Variants in SCML4 observed in about 807,000 individuals in gnomAD.
SCML4 encodes the protein sex comb on midleg-like protein 4.
A neutral mutation model predicts 41.1 loss-of-function variants in SCML4; 34 were observed. The observed-to-expected ratio is 0.83, with a 90% CI of 0.63 to 1.10. SCML4 has a LOEUF of 1.10. Ranked by LOEUF, SCML4 falls within the 50% of genes least tolerant of loss-of-function variation. SCML4 has a pLI of 0.00. For synonymous variants in SCML4, 214 were observed against 220.9 expected, an observed-to-expected ratio of 0.97 and a Z score of 0.28; for missense variants, 522 against 534.1, an observed-to-expected ratio of 0.98 and a Z score of 0.22.
chr6:107,813,413 T>TTTAA (rs1784340911), intron 1 of SCML4, among the ~76,000 whole-genome samples: 3 of 21,478 alleles, frequency 1.4e-4, no homozygotes, highest in African/African-American at 3.4e-4. Flanking sequence ...TATATATATA[T>TTTAA]ATATATATAT....
At chr6:107,752,634 GA>G (rs1778787646) in intron 2 of SCML4, among the ~76,000 whole-genome samples, 1 of 152,172 alleles carries the variant, frequency 6.6e-6, no homozygotes, top group African/African-American at 2.4e-5. Context: ...TCAAGGAGGA[GA>G]TAGTGGTTAA....
At chr6:107,763,028 G>A (rs1000412303) in intron 2 of SCML4, among the ~76,000 whole-genome samples, 4 of 151,774 alleles carry the variant, frequency 2.6e-5, no homozygotes, top group South Asian at 2.1e-4. Flanking sequence ...GACTACAGGT[G>A]TGCACCATCA....
chr6:107,816,447 A>G (rs1784556648), intron 1 of SCML4, among the ~76,000 whole-genome samples: 1 of 152,156 alleles, frequency 6.6e-6, no homozygotes, highest in African/African-American at 2.4e-5. Flanking sequence ...CCTAGGTCAC[A>G]CTGGTGGCCA....
In SCML4 at chr6:107,734,135, C is replaced by CT. The variant is rs138897103; in HGVS notation, c.682+10813dup. 9.8e-3 allele frequency among the ~76,000 whole-genome samples: 1,491 copies of CT among 152,236 alleles called. 25 individuals carry two copies. Among genetic ancestry groups the CT allele is most frequent in the African/African-American group, 0.034 (1,412 of 41,526 alleles). Reference sequence around the variant, plus strand: ...TAGGAAGAAGGAGTCCATTTGGCCTCTTTTTTTCAGGCTTTTTATCTCCTC... The same window carrying CT: ...TAGGAAGAAGGAGTCCATTTGGCCTCTTTTTTTTCAGGCTTTTTATCTCCTC... On this transcript the variant is annotated intron_variant, in intron 5 of 7. Coordinates refer to ENST00000369020, the MANE Select transcript of SCML4 (RefSeq NM_198081.5).
At chr6:107,803,455 G>A (rs555906554) in intron 1 of SCML4, among the ~76,000 whole-genome samples, 1,620 of 148,392 alleles carry the variant, frequency 0.011, 21 homozygotes, top group African/African-American at 0.036. Context: ...CCGGCCAGCC[G>A]CCCGGTCCGG....
chr6:107,769,695 A>G (rs897115407), intron 2 of SCML4, among the ~76,000 whole-genome samples: 1 of 152,240 alleles, frequency 6.6e-6, no homozygotes, highest in East Asian at 1.9e-4. Context: ...GTTATATCTT[A>G]TTTTATAAGA....
chr6:107,717,143 C>CAAAAAAAA (rs546258538), intron 6 of SCML4, among the ~76,000 whole-genome samples: 16 of 63,536 alleles, frequency 2.5e-4, no homozygotes, highest in African/African-American at 7.1e-4. Context: ...ACTAAAAATA[C>CAAAAAAAA]AAAAAAAAAA....
rs555798944 is a variant in SCML4, at chr6:107,746,732, G to T, written c.444C>A (p.Val148=). Residue 148 remains valine, a synonymous_variant, in exon 4 of 8, where the codon GTC becomes GTA. Transcript: ENST00000369020. ...CATAGCCCTGCTTGACCAGGGAGAA[G>T]ACCAGCTTCTGCTGGTGGGCGCAGT... is the stretch of plus-strand genomic sequence containing the variant. The part of the protein sequence containing the change: ...CIDCAHQQKL[V]FSLVKQGYGG... 8.6e-4 allele frequency: 1,385 copies of T among 1,614,166 alleles called. 29 individuals carry two copies. The South Asian group carries it at 0.014, about 17-fold the overall frequency.
chr6:107,831,501 T>C, the SCML4 span, among the ~76,000 whole-genome samples: 1 of 151,268 alleles, frequency 6.6e-6, no homozygotes, highest in Non-Finnish European at 1.5e-5. Flanking sequence ...AACTTCAGTG[T>C]GGACCATATC....
At chr6:107,749,416 C>T (rs566569963) in intron 3 of SCML4, among the ~76,000 whole-genome samples, 88 of 152,214 alleles carry the variant, frequency 5.8e-4, no homozygotes, top group African/African-American at 2.1e-3. Flanking sequence ...ACCCTGTGCC[C>T]CGCTGTCATC....
intron 2 of SCML4, among the ~76,000 whole-genome samples, chr6:107,763,287 C>G (rs980121296): frequency 2.6e-5 from 4 of 152,006 alleles, no homozygotes; most frequent in African/African-American, 9.7e-5. Flanking sequence ...TACTAACACC[C>G]AATGTGAAGG....
intron 1 of SCML4, among the ~76,000 whole-genome samples, chr6:107,774,727 A>T (rs565233531): frequency 6.6e-6 from 1 of 152,278 alleles, no homozygotes; most frequent in Admixed American, 6.5e-5. Flanking sequence ...CAACAAGAGA[A>T]AACCCATGAT....
intron 1 of SCML4, among the ~76,000 whole-genome samples, chr6:107,796,905 C>A (rs942689973): frequency 6.6e-6 from 1 of 152,094 alleles, no homozygotes; most frequent in Non-Finnish European, 1.5e-5. Context: ...GATATAGAGT[C>A]ATCCCAACAT....
chr6:107,750,532 C>A (rs1679239141), intron 2 of SCML4, among the ~76,000 whole-genome samples: 2 of 152,188 alleles, frequency 1.3e-5, no homozygotes, highest in Non-Finnish European at 2.9e-5. Context: ...AATCTTAGCT[C>A]TCTACCCAAA....
intron 1 of SCML4, among the ~76,000 whole-genome samples, chr6:107,823,513 C>T (rs950858274): frequency 6.6e-5 from 10 of 151,980 alleles, no homozygotes; most frequent in Middle Eastern, 3.2e-3. Flanking sequence ...TCCCAAAAAA[C>T]GAATTAAAAC....
chr6:107,717,968 C>A (rs1221375821), intron 6 of SCML4, among the ~76,000 whole-genome samples: 1 of 152,210 alleles, frequency 6.6e-6, no homozygotes, highest in African/African-American at 2.4e-5. Flanking sequence ...CATCCCAGAT[C>A]CTGACAGGCA....
the SCML4 span, among the ~76,000 whole-genome samples, chr6:107,837,543 T>A: frequency 6.6e-6 from 1 of 152,182 alleles, no homozygotes; most frequent in Non-Finnish European, 1.5e-5. Context: ...TCTTCATTTA[T>A]GATATTTATG....
chr6:107,754,961 A>G (rs1317641466), intron 2 of SCML4, among the ~76,000 whole-genome samples: 2 of 152,096 alleles, frequency 1.3e-5, no homozygotes, highest in Non-Finnish European at 2.9e-5. Context: ...AAAATTAGCC[A>G]GGCGTGGTGG....
intron 1 of SCML4, among the ~76,000 whole-genome samples, chr6:107,797,445 G>A (rs1391434003): frequency 6.6e-6 from 1 of 151,956 alleles, no homozygotes; most frequent in Non-Finnish European, 1.5e-5. Flanking sequence ...CTTTTACACG[G>A]AAATACAATT....
Sources: gnomAD v4.1 joint callset for allele counts (sites outside exome capture counted in the v4.1 genomes callset) on GRCh38, gnomAD v4.1.1 for gene constraint, MANE v1.5 for transcripts, NCBI Gene and HGNC (gene_info 2026-07-23, HGNC 2026-07-21) for gene names.